Variants in GTF2H5 observed in about 807,000 individuals in gnomAD.
The protein encoded by GTF2H5 is general transcription factor IIH subunit 5.
In GTF2H5, 5 loss-of-function variants were observed where a neutral mutation model predicts 7.1. That is an observed-to-expected ratio of 0.71 (90% CI 0.37 to 1.49). The LOEUF (loss-of-function observed/expected upper bound fraction) is 1.49, where lower values mean the gene tolerates loss of function less well. Ranked by LOEUF, GTF2H5 falls within the 40% of genes most tolerant of loss-of-function variation. The pLI, the probability that GTF2H5 is intolerant of heterozygous loss-of-function variation, is 0.03. For synonymous variants in GTF2H5, 30 were observed against 31.7 expected (o/e 0.95, Z 0.18); for missense variants, 80 against 83.0 (o/e 0.96, Z 0.14).
intron 2 of GTF2H5, among the ~76,000 whole-genome samples, chr6:158,189,767 A>G (rs1225668761): frequency 6.6e-6 from 1 of 152,158 alleles, no homozygotes; most frequent in Non-Finnish European, 1.5e-5. Context: ...GGTTCTCTTC[A>G]CTGTCTCTAA....
In GTF2H5 at chr6:158,198,431, T is replaced by C. The variant is rs1777145180; in HGVS notation, c.*6274T>C. On this transcript the variant is annotated 3_prime_UTR_variant, in exon 3 of 3. Transcript: ENST00000607778. ...CATTTACTGAGTCCAGTTTGGACTT[T>C]ATTTTATTTTATTTTTTTTGAAACA... 1 of 152,186 alleles carries C rather than the reference T, an allele frequency of 6.6e-6. No individual in the cohort carries two copies. Among genetic ancestry groups the C allele is most frequent in the South Asian group, 2.1e-4 (1 of 4,824 alleles). 9.4% of individuals were successfully genotyped at this position (152,186 alleles called of 1,614,324 possible). A position where few individuals can be genotyped will look rare whatever the true frequency, so the allele number is the denominator to read the frequency against.
intron 2 of GTF2H5, among the ~76,000 whole-genome samples, chr6:158,174,922 T>G (rs982628575): frequency 6.6e-6 from 1 of 152,086 alleles, no homozygotes; most frequent in Admixed American, 6.6e-5. Flanking sequence ...TGTTTTTTTC[T>G]CAGCATGTAT....
At chr6:158,169,058 A>T (rs1562467270) in intron 1 of GTF2H5, among the ~76,000 whole-genome samples, 1 of 151,162 alleles carries the variant, frequency 6.6e-6, no homozygotes, top group Non-Finnish European at 1.5e-5. Flanking sequence ...ACATGGTGAA[A>T]CCCTGCCTCT....
intron 2 of GTF2H5, among the ~76,000 whole-genome samples, chr6:158,175,461 A>G (rs899358418): frequency 2.0e-5 from 3 of 152,188 alleles, no homozygotes; most frequent in African/African-American, 4.8e-5. Context: ...CTCCGTTTCT[A>G]TAAGTTTATC....
chr6:158,174,382 A>G (rs1196478868), intron 2 of GTF2H5, among the ~76,000 whole-genome samples: 1 of 152,178 alleles, frequency 6.6e-6, no homozygotes, highest in East Asian at 1.9e-4. Flanking sequence ...AAAGAAGTAA[A>G]CCAAATTATG....
In GTF2H5 at chr6:158,191,959, A is replaced by G; in HGVS notation, c.36-18A>G. ...TTTGACAACAAGCTGTCTTACAATC[A>G]TGTGTTTGTCTTTACAGTGATCCTG... On this transcript the variant is annotated intron_variant, in intron 2 of 2. Coordinates refer to ENST00000607778, the MANE Select transcript of GTF2H5 (RefSeq NM_207118.3). The G allele has an allele frequency of 6.2e-7, 1 of 1,604,544 alleles. No homozygotes were observed. Among genetic ancestry groups the G allele is most frequent in the South Asian group, 1.1e-5 (1 of 90,870 alleles).
chr6:158,174,391 T>C (rs1785901460), intron 2 of GTF2H5, among the ~76,000 whole-genome samples: 2 of 152,358 alleles, frequency 1.3e-5, no homozygotes, highest in South Asian at 4.1e-4. Flanking sequence ...AACCAAATTA[T>C]GATGATGGCC....
rs1437135088 is a variant in GTF2H5 at position 158,195,062 on chromosome 6, C to T, written c.*2905C>T. 1 of 151,976 alleles carries T rather than the reference C, an allele frequency of 6.6e-6. No individual in the cohort carries two copies. The highest frequency in any genetic ancestry group is 1.5e-5 in the Non-Finnish European group (1 of 68,034). 9.4% of individuals were successfully genotyped at this position (151,976 alleles called of 1,614,324 possible). A position where few individuals can be genotyped will look rare whatever the true frequency, so the allele number is the denominator to read the frequency against. On this transcript the variant is annotated 3_prime_UTR_variant, in exon 3 of 3. Coordinates refer to ENST00000607778, the MANE Select transcript of GTF2H5 (RefSeq NM_207118.3). ...ATTCACCTAGGCTGTTTATTGGAATCTGACTAGCATTATTTGATTTGGCAT... is the reference window on the plus strand; with the variant it reads ...ATTCACCTAGGCTGTTTATTGGAATTTGACTAGCATTATTTGATTTGGCAT...
intron 2 of GTF2H5, among the ~76,000 whole-genome samples, chr6:158,184,667 T>A (rs1323382048): frequency 6.6e-6 from 1 of 152,220 alleles, no homozygotes; most frequent in Non-Finnish European, 1.5e-5. Context: ...TAAGACAGTC[T>A]ACTCCCAGGA....
chr6:158,193,484 T>TG lies in GTF2H5; in HGVS notation c.*1328dup, dbSNP rs1301695074. The TG allele has an allele frequency of 6.6e-6, 1 of 152,206 alleles. No homozygotes were observed. Among genetic ancestry groups the TG allele is most frequent in the East Asian group, 1.9e-4 (1 of 5,192 alleles). 9.4% of individuals were successfully genotyped at this position (152,206 alleles called of 1,614,324 possible). On this transcript the variant is annotated 3_prime_UTR_variant, in exon 3 of 3. Coordinates refer to ENST00000607778, the MANE Select transcript of GTF2H5 (RefSeq NM_207118.3). ...TAGACTCTTACAAATCCATTTTACC[T>TG]GCTTCCTTATGGTATGTTTATTCAA...
At chr6:158,190,552 A>G (rs1777009621) in intron 2 of GTF2H5, 9 of 368,898 alleles carry the variant, frequency 2.4e-5, no homozygotes, top group South Asian at 1.6e-4. Flanking sequence ...GTCAGTTTGT[A>G]AGTTAAATCA....
chr6:158,176,734 C>T (rs1023041199), intron 2 of GTF2H5, among the ~76,000 whole-genome samples: 5 of 152,142 alleles, frequency 3.3e-5, no homozygotes, highest in African/African-American at 7.2e-5. Context: ...CCTTCAGAGC[C>T]GAGAGCCCCG....
chr6:158,178,833 G>C (rs1378651878), intron 2 of GTF2H5, among the ~76,000 whole-genome samples: 1 of 152,158 alleles, frequency 6.6e-6, no homozygotes, highest in Non-Finnish European at 1.5e-5. Flanking sequence ...CTTTTGCTGT[G>C]CAGAAGCTCT....
Position 158,193,786 on chromosome 6 carries a change from A to C in GTF2H5, c.*1629A>C, listed in dbSNP as rs1191250417. 6.6e-6 allele frequency: 1 copy of C among 152,160 alleles called. No homozygotes were observed. Among genetic ancestry groups the C allele is most frequent in the African/African-American group, 2.4e-5 (1 of 41,428 alleles). 9.4% of individuals were successfully genotyped at this position (152,160 alleles called of 1,614,324 possible). On this transcript the variant is annotated 3_prime_UTR_variant, in exon 3 of 3. Coordinates refer to ENST00000607778, the MANE Select transcript of GTF2H5 (RefSeq NM_207118.3). ...GAGGCAGGCAGCTCACGAGGTCAGG[A>C]GATCGAGACCATCCTGCTCGGTGAA...
intron 2 of GTF2H5, among the ~76,000 whole-genome samples, chr6:158,179,695 C>A (rs908936057): frequency 9.2e-5 from 14 of 152,066 alleles, no homozygotes; most frequent in African/African-American, 2.9e-4. Context: ...GATTTTGTAT[C>A]CTGAAACTTT....
In GTF2H5 at chr6:158,197,975, T is replaced by G. The variant is rs1310881380; in HGVS notation, c.*5818T>G. 6.6e-6 allele frequency: 1 copy of G among 152,216 alleles called. No individual in the cohort carries two copies. Among genetic ancestry groups the G allele is most frequent in the Non-Finnish European group, 1.5e-5 (1 of 68,040 alleles). 9.4% of individuals were successfully genotyped at this position (152,216 alleles called of 1,614,324 possible). A position where few individuals can be genotyped will look rare whatever the true frequency, so the allele number is the denominator to read the frequency against. On this transcript the variant is annotated 3_prime_UTR_variant, in exon 3 of 3. Coordinates refer to ENST00000607778, the MANE Select transcript of GTF2H5 (RefSeq NM_207118.3). ...ACTTAATGGAGCTTATGTTGAGAAA[T>G]AAAAGAAATTATATTTTATTTTTAT...
Position 158,195,524 on chromosome 6 carries a change from A to G in GTF2H5, c.*3367A>G, listed in dbSNP as rs913828234. 2 of 152,234 alleles carry G rather than the reference A, an allele frequency of 1.3e-5. No homozygotes were observed. The highest frequency in any genetic ancestry group is 4.8e-5 in the African/African-American group (2 of 41,464). The allele number at this position is 152,234 out of a possible 1,614,324, so 9.4% of individuals were successfully genotyped here. A position where few individuals can be genotyped will look rare whatever the true frequency, so the allele number is the denominator to read the frequency against. On this transcript the variant is annotated 3_prime_UTR_variant, in exon 3 of 3. Transcript: ENST00000607778. ...ATCAGTTTTGGTGAACAGTAACAGC[A>G]TTACTGATAATAGGCAACAAACACT...
chr6:158,179,388 C>T (rs1189599116), intron 2 of GTF2H5, among the ~76,000 whole-genome samples: 7 of 152,006 alleles, frequency 4.6e-5, no homozygotes, highest in Admixed American at 6.6e-5. Context: ...TGAAGAAAGT[C>T]GGTGGTAGCT....
intron 1 of GTF2H5, among the ~76,000 whole-genome samples, chr6:158,169,568 T>TATTGTATATTACATATAATAA (rs1785762857): frequency 1.1e-5 from 1 of 91,614 alleles, no homozygotes. Context: ...ATATATAATA[T>TATTGTATATTACATATAATAA]ATTGTATATT....
Sources: gnomAD v4.1 joint callset for allele counts (sites outside exome capture counted in the v4.1 genomes callset) on GRCh38, gnomAD v4.1.1 for gene constraint, MANE v1.5 for transcripts, NCBI Gene and HGNC (gene_info 2026-07-23, HGNC 2026-07-21) for gene names.